Variants in CCDC148 observed in about 807,000 individuals in gnomAD.
CCDC148 encodes coiled-coil domain-containing protein 148.
Under a neutral mutation model 85.7 loss-of-function variants are expected in CCDC148, and 89 were observed. That is an observed-to-expected ratio of 1.04 (90% confidence interval 0.87 to 1.24). The LOEUF (loss-of-function observed/expected upper bound fraction) is 1.24, where lower values mean the gene tolerates loss of function less well. CCDC148 is among the 50% of genes most tolerant of loss of function. The pLI, the probability that CCDC148 is intolerant of heterozygous loss-of-function variation, is 0.00. For missense variants in CCDC148, 692 were observed against 671.7 expected, an observed-to-expected ratio of 1.03 and a Z score of -0.33; for synonymous variants, 230 against 213.9, an observed-to-expected ratio of 1.08 and a Z score of -0.66.
At position 158,171,929 on chromosome 2, in the gene CCDC148, A is replaced by G. The variant is rs1317777381; in HGVS notation, c.*184T>C. On this transcript the variant is annotated 3_prime_UTR_variant, in exon 14 of 14. Coordinates refer to ENST00000283233, the MANE Select transcript of CCDC148 (RefSeq NM_138803.4). The stretch of plus-strand genomic sequence containing the variant: ...AATTTAGTACTATTAAATATAACTT[A>G]AAGATACAGGAAATATAGTGCATAA... The G allele has an allele frequency of 1.0e-5, 5 of 479,358 alleles. No homozygotes were observed. The East Asian group carries it at 1.1e-4, about 11-fold the overall frequency. The allele number at this position is 479,358 out of a possible 1,614,324, so 29.7% of individuals were successfully genotyped here.
chr2:158,210,810 T>C (rs1450828881), intron 11 of CCDC148, among the ~76,000 whole-genome samples: 2 of 109,526 alleles, frequency 1.8e-5, no homozygotes, highest in Non-Finnish European at 3.9e-5. Flanking sequence ...AAAAAAAAAA[T>C]TAGCCGGGCA....
At chr2:158,266,143 C>T (rs1689442059) in intron 9 of CCDC148, among the ~76,000 whole-genome samples, 1 of 152,190 alleles carries the variant, frequency 6.6e-6, no homozygotes, top group Non-Finnish European at 1.5e-5. Flanking sequence ...ATGCCTCAAG[C>T]CTTTCATTGG....
chr2:158,209,664 A>G (rs142115576), intron 11 of CCDC148, among the ~76,000 whole-genome samples: 7,750 of 152,304 alleles, frequency 0.051, 226 homozygotes, highest in Middle Eastern at 0.075. Context: ...AATATTCAAC[A>G]TTCTTAAAGA....
In CCDC148 at chr2:158,456,661, C is replaced by A; in HGVS notation, c.-222G>T. 3 of 599,506 alleles carry A rather than the reference C, an allele frequency of 5.0e-6. No homozygotes were observed. Among genetic ancestry groups the A allele is most frequent in the Non-Finnish European group, 5.8e-6 (2 of 342,792 alleles). 37.1% of individuals were successfully genotyped at this position (599,506 alleles called of 1,614,324 possible). ...CGCTGGGGAATCTCCCTGTCCTCTC[C>A]GCCACCCCCTCCCGCGCCCGAGACC... On this transcript the variant is annotated 5_prime_UTR_variant, in exon 1 of 14. Coordinates refer to ENST00000283233, the MANE Select transcript of CCDC148 (RefSeq NM_138803.4).
At chr2:158,352,386 G>A (rs983957409) in intron 2 of CCDC148, among the ~76,000 whole-genome samples, 2 of 152,328 alleles carry the variant, frequency 1.3e-5, no homozygotes, top group South Asian at 4.1e-4. Context: ...CTTAAAGGAG[G>A]TGATGGAGCT....
intron 1 of CCDC148, among the ~76,000 whole-genome samples, chr2:158,427,603 C>T (rs933807577): frequency 8.5e-5 from 13 of 152,156 alleles, no homozygotes; most frequent in African/African-American, 2.9e-4. Context: ...GGTATGGTGG[C>T]TCATACCTAT....
chr2:158,335,878 G>A (rs1014514543), intron 7 of CCDC148, among the ~76,000 whole-genome samples: 1 of 152,050 alleles, frequency 6.6e-6, no homozygotes. Flanking sequence ...CCCAATCACT[G>A]CCTACCTTTG....
At chr2:158,401,378 G>T (rs1023899524) in intron 1 of CCDC148, among the ~76,000 whole-genome samples, 1 of 151,498 alleles carries the variant, frequency 6.6e-6, no homozygotes, top group African/African-American at 2.4e-5. Flanking sequence ...CCATAAAAAA[G>T]GATGAGTTCA....
At chr2:158,250,169 T>C (rs1574484275) in intron 10 of CCDC148, among the ~76,000 whole-genome samples, 2 of 152,078 alleles carry the variant, frequency 1.3e-5, no homozygotes, top group South Asian at 4.1e-4. Context: ...AAAACAACCC[T>C]TAAGTGTATT....
chr2:158,432,867 A>G (rs1275294971), intron 1 of CCDC148, among the ~76,000 whole-genome samples: 1 of 151,710 alleles, frequency 6.6e-6, no homozygotes, highest in African/African-American at 2.4e-5. Context: ...TGAGGTTAGG[A>G]GTTCGACACC....
At chr2:158,427,453 G>A (rs1386263537) in intron 1 of CCDC148, among the ~76,000 whole-genome samples, 1 of 152,162 alleles carries the variant, frequency 6.6e-6, no homozygotes, top group African/African-American at 2.4e-5. Flanking sequence ...GGGCTTTCTT[G>A]AAGAGGTGGC....
intron 9 of CCDC148, among the ~76,000 whole-genome samples, chr2:158,283,474 T>C (rs867829353): frequency 5.9e-5 from 9 of 152,130 alleles, no homozygotes; most frequent in Non-Finnish European, 1.0e-4. Context: ...AGGATATGAA[T>C]AGACACTTCT....
intron 9 of CCDC148, among the ~76,000 whole-genome samples, chr2:158,305,879 T>C (rs1173593575): frequency 6.6e-6 from 1 of 151,504 alleles, no homozygotes; most frequent in Non-Finnish European, 1.5e-5. Context: ...AAACAACTGA[T>C]GAATGGAAAA....
chr2:158,347,417 C>A (rs1338425859), intron 2 of CCDC148, among the ~76,000 whole-genome samples: 2 of 151,586 alleles, frequency 1.3e-5, no homozygotes, highest in African/African-American at 4.8e-5. Flanking sequence ...TAAATTCACT[C>A]ATTGATTCCA....
chr2:158,415,305 A>G (rs968383034), intron 1 of CCDC148, among the ~76,000 whole-genome samples: 9 of 152,052 alleles, frequency 5.9e-5, no homozygotes, highest in Admixed American at 5.9e-4. Flanking sequence ...ACTTTTAAAC[A>G]ACCAGCTCTC....
intron 10 of CCDC148, among the ~76,000 whole-genome samples, chr2:158,222,638 G>A (rs760318714): frequency 6.6e-6 from 1 of 152,084 alleles, no homozygotes; most frequent in South Asian, 2.1e-4. Context: ...GATACCCCAT[G>A]TGCCATTTTG....
intron 2 of CCDC148, among the ~76,000 whole-genome samples, chr2:158,351,360 G>A (rs560635452): frequency 1.3e-4 from 20 of 152,342 alleles, no homozygotes; most frequent in Non-Finnish European, 2.1e-4. Flanking sequence ...GACAGTGGGC[G>A]CAGGTCAGTG....
chr2:158,245,266 C>A (rs1210221899), intron 10 of CCDC148, among the ~76,000 whole-genome samples: 2 of 152,140 alleles, frequency 1.3e-5, no homozygotes, highest in African/African-American at 4.8e-5. Flanking sequence ...ATGAGATCCC[C>A]TGAGGGGGTG....
intron 7 of CCDC148, among the ~76,000 whole-genome samples, chr2:158,327,412 A>T (rs920392160): frequency 6.6e-6 from 1 of 152,194 alleles, no homozygotes; most frequent in Non-Finnish European, 1.5e-5. Context: ...CTCTGCCATG[A>T]TTAGGAAAGG....
Sources: gnomAD v4.1 joint callset for allele counts (sites outside exome capture counted in the v4.1 genomes callset) on GRCh38, gnomAD v4.1.1 for gene constraint, MANE v1.5 for transcripts, NCBI Gene and HGNC (gene_info 2026-07-23, HGNC 2026-07-21) for gene names.